DCAF6: variants seen among roughly 807,000 people sequenced by gnomAD.
DCAF6 encodes the protein DDB1 and CUL4 associated factor 6, also known as DDB1- and CUL4-associated factor 6.
Under a neutral mutation model 125.1 loss-of-function variants are expected in DCAF6, and 54 were observed. That is an observed-to-expected ratio of 0.43 (90% CI 0.35 to 0.54). DCAF6 has a LOEUF of 0.54. Among genes scored for constraint, DCAF6 ranks in the 20% least tolerant of loss-of-function variants. DCAF6 has a pLI of 0.01. For synonymous variants in DCAF6, 371 were observed against 390.4 expected (o/e 0.95, Z 0.58); for missense variants, 934 against 1,161.7 (o/e 0.80, Z 2.85).
upstream of DCAF6, among the ~76,000 whole-genome samples, chr1:167,932,054 T>C (rs1361511300): frequency 1.3e-5 from 2 of 152,204 alleles, no homozygotes; most frequent in Non-Finnish European, 2.9e-5. Context: ...AACTATTTTT[T>C]CAAAAGCTCT....
chr1:167,877,713 G>A, the DCAF6 span, among the ~76,000 whole-genome samples: 2 of 152,190 alleles, frequency 1.3e-5, no homozygotes, highest in African/African-American at 2.4e-5. Context: ...GAGGAAGAAG[G>A]AAGACAAAGG....
intron 2 of DCAF6, among the ~76,000 whole-genome samples, chr1:167,952,657 G>A (rs2102720583): frequency 6.6e-6 from 1 of 152,160 alleles, no homozygotes; most frequent in East Asian, 1.9e-4. Flanking sequence ...TTCACATGTT[G>A]GTTGCACGAA....
chr1:168,041,821 T>TAC (rs904276965), intron 13 of DCAF6, among the ~76,000 whole-genome samples: 9 of 151,604 alleles, frequency 5.9e-5, no homozygotes, highest in Non-Finnish European at 1.3e-4. Context: ...AATATATATA[T>TAC]ACCACCTTAG....
At chr1:168,016,183 A>G (rs1684955503) in intron 11 of DCAF6, among the ~76,000 whole-genome samples, 1 of 152,184 alleles carries the variant, frequency 6.6e-6, no homozygotes, top group Admixed American at 6.5e-5. Context: ...AAGTTGTAAT[A>G]TATTTGGAGA....
At chr1:167,880,489 A>C in the DCAF6 span, 1 of 1,608,292 alleles carries the variant, frequency 6.2e-7, no homozygotes, top group Non-Finnish European at 8.5e-7. Context: ...GTCAATACTC[A>C]CTGGATTTTG....
intron 15 of DCAF6, 94 bp from the exon 16 acceptor site, chr1:168,044,806 C>T (rs1186275517): frequency 6.9e-7 from 1 of 1,452,718 alleles, no homozygotes; most frequent in Non-Finnish European, 9.5e-7. Flanking sequence ...AATTAGACAT[C>T]ATATTAGAAT....
chr1:167,987,050 G>A (rs1380165032), intron 4 of DCAF6, among the ~76,000 whole-genome samples: 2 of 152,102 alleles, frequency 1.3e-5, no homozygotes, highest in East Asian at 1.9e-4. Flanking sequence ...TAAGAGGTGA[G>A]TTATGCACTT....
intron 2 of DCAF6, among the ~76,000 whole-genome samples, chr1:167,957,748 G>A (rs1674995205): frequency 6.6e-6 from 1 of 152,072 alleles, no homozygotes; most frequent in Non-Finnish European, 1.5e-5. Context: ...ATTTCTGACA[G>A]CAACATACAG....
Position 167,945,315 on chromosome 1 carries a change from T to A in DCAF6, c.98-6485T>A, listed in dbSNP as rs556675669. ...AGAATATGTAGGCTGCTTTGTACAGTATGGTCATTTTAATGATATTCTTCT... is the reference window on the plus strand; with the variant it reads ...AGAATATGTAGGCTGCTTTGTACAGAATGGTCATTTTAATGATATTCTTCT... On this transcript the variant is annotated intron_variant, in intron 1 of 21. Coordinates refer to ENST00000367840, the MANE Select transcript of DCAF6 (RefSeq NM_001198956.2). Among the ~76,000 whole-genome samples the A allele has an allele frequency of 1.7e-4, 26 of 152,300 alleles. No individual in the cohort carries two copies. The East Asian group carries it at 4.8e-3, about 28-fold the overall frequency.
chr1:168,030,540 T>A (rs1436036638), intron 12 of DCAF6, among the ~76,000 whole-genome samples: 1 of 152,210 alleles, frequency 6.6e-6, no homozygotes, highest in Non-Finnish European at 1.5e-5. Context: ...ACTTACGAAG[T>A]TCTCCTGGTA....
At chr1:167,905,236 T>G in the DCAF6 span, 4 of 1,364,800 alleles carry the variant, frequency 2.9e-6, no homozygotes, top group Non-Finnish European at 4.2e-6. Context: ...TCTGATATAT[T>G]CATTTGCTCA....
At chr1:167,887,016 G>C in the DCAF6 span, among the ~76,000 whole-genome samples, 2 of 152,182 alleles carry the variant, frequency 1.3e-5, no homozygotes, top group Non-Finnish European at 2.9e-5. Flanking sequence ...ACACCAGTTA[G>C]AATGGCAATC....
At chr1:167,891,325 C>T in the DCAF6 span, among the ~76,000 whole-genome samples, 12 of 151,908 alleles carry the variant, frequency 7.9e-5, no homozygotes, top group Non-Finnish European at 1.6e-4. Context: ...CATTTAGTTC[C>T]CCTCTTCTCT....
chr1:168,045,168 C>T lies in DCAF6; in HGVS notation c.2199C>T (p.Asp733=), dbSNP rs1689009701. The change falls in exon 16 of 22, where the codon GAC becomes GAT. Residue 733 remains aspartate (D), a synonymous_variant. Transcript: ENST00000367840. Reference sequence around the variant, plus strand: ...ACTCTGCTCTTCAGGACACAGATGACAGTGATGATGACCCAGTCCTGATCC... The same window carrying T: ...ACTCTGCTCTTCAGGACACAGATGATAGTGATGATGACCCAGTCCTGATCC... ...TRDSALQDTD[D]SDDDPVLIPG... The T allele has an allele frequency of 6.2e-7, 1 of 1,613,942 alleles. No homozygotes were observed. The highest frequency in any genetic ancestry group is 8.5e-7 in the Non-Finnish European group (1 of 1,179,912).
chr1:167,868,644 T>C, the DCAF6 span, among the ~76,000 whole-genome samples: 1 of 152,208 alleles, frequency 6.6e-6, no homozygotes, highest in Non-Finnish European at 1.5e-5. Context: ...AGTTGTGTTA[T>C]TGGCACTATT....
the DCAF6 span, chr1:167,904,118 T>C: frequency 0.045 from 26,993 of 598,878 alleles, 894 homozygotes; most frequent in Middle Eastern, 0.086. Context: ...GACAGAGTCT[T>C]GCTTTGTAGC....
At position 167,991,261 on chromosome 1, in the gene DCAF6, C is replaced by T; in HGVS notation, c.610C>T (p.Pro204Ser). 3 of 1,613,302 alleles carry T rather than the reference C, an allele frequency of 1.9e-6. No individual in the cohort carries two copies. The highest frequency in any genetic ancestry group is 4.5e-5 in the East Asian group (2 of 44,848). Residue 204 changes from proline (P) to serine (S), a missense_variant, in exon 6 of 22, where the codon CCA (proline) becomes TCA (serine). By Grantham distance (74) the Pro-to-Ser change is moderately conservative. Around this residue, in one of 5 missense-constraint regions of DCAF6, gnomAD observed 309 missense variants for 381.2 expected, o/e 0.81. Transcript: ENST00000367840. ...ATSVAICPPI[P>S]YYLAVGCSDS... Reference sequence around the variant, plus strand: ...GTCTGTTGCTATTTGCCCACCAATACCATATTACCTTGCTGTTGGTTGTTC... The same window carrying T: ...GTCTGTTGCTATTTGCCCACCAATATCATATTACCTTGCTGTTGGTTGTTC...
the DCAF6 span, among the ~76,000 whole-genome samples, chr1:167,926,287 T>C: frequency 6.6e-6 from 1 of 152,364 alleles, no homozygotes; most frequent in South Asian, 2.1e-4. Context: ...TTCTTACAAC[T>C]GAGTGAAAAA....
chr1:168,054,172 G>T (rs1020428116), intron 17 of DCAF6, among the ~76,000 whole-genome samples: 1 of 152,078 alleles, frequency 6.6e-6, no homozygotes, highest in Non-Finnish European at 1.5e-5. Context: ...TTCATTTCCT[G>T]TTGCTTATGA....
Sources: allele counts gnomAD v4.1 joint callset (sites outside exome capture counted in the v4.1 genomes callset), GRCh38; gene constraint gnomAD v4.1.1; regional missense constraint gnomAD v4.1.1; transcripts MANE v1.5; gene names NCBI Gene and HGNC (gene_info 2026-07-23, HGNC 2026-07-21).